Variants in ROBO1 observed in about 807,000 individuals in gnomAD.
ROBO1 encodes the protein roundabout guidance receptor 1.
A neutral mutation model predicts 195.9 loss-of-function variants in ROBO1; 149 were observed. The observed-to-expected ratio is 0.76, with a 90% CI of 0.67 to 0.87. The LOEUF (loss-of-function observed/expected upper bound fraction) is 0.87, where lower values mean the gene tolerates loss of function less well. Ranked by LOEUF, ROBO1 falls within the 40% of genes least tolerant of loss-of-function variation. The pLI, the probability that ROBO1 is intolerant of heterozygous loss-of-function variation, is 0.00. For missense variants in ROBO1, 1,933 were observed against 2,068.3 expected (o/e 0.93, Z 1.27); for synonymous variants, 816 against 733.2 (o/e 1.11, Z -1.82).
In ROBO1 at chr3:78,668,579, C is replaced by T; in HGVS notation, c.1549-14G>A. 2 of 1,610,526 alleles carry T rather than the reference C, an allele frequency of 1.2e-6. No individual in the cohort carries two copies. ...AGTATCACCCAGCTGAGAAGGCAGA[C>T]AAAAAATAAATATTTGGAAAAATCA... is the stretch of plus-strand genomic sequence containing the variant. On this transcript the variant is annotated splice_polypyrimidine_tract_variant and intron_variant, in intron 11 of 30. Coordinates refer to ENST00000464233, the MANE Select transcript of ROBO1 (RefSeq NM_002941.4).
At chr3:78,808,077 T>C (rs2084605799) in intron 4 of ROBO1, among the ~76,000 whole-genome samples, 1 of 152,148 alleles carries the variant, frequency 6.6e-6, no homozygotes, top group Admixed American at 6.5e-5. Context: ...TAAAATACAA[T>C]AAGGAAATTT....
chr3:79,399,267 T>C (rs1472587027), intron 2 of ROBO1, among the ~76,000 whole-genome samples: 1 of 152,084 alleles, frequency 6.6e-6, no homozygotes, highest in Non-Finnish European at 1.5e-5. Flanking sequence ...CTACTCAAAC[T>C]CCTGCAAGTT....
intron 2 of ROBO1, among the ~76,000 whole-genome samples, chr3:79,312,461 G>C (rs548486271): frequency 6.6e-6 from 1 of 152,324 alleles, no homozygotes; most frequent in South Asian, 2.1e-4. Flanking sequence ...AGCAACTACT[G>C]AGAGATAATA....
At chr3:78,922,821 C>T (rs2039016567) in intron 4 of ROBO1, among the ~76,000 whole-genome samples, 1 of 151,734 alleles carries the variant, frequency 6.6e-6, no homozygotes, top group Non-Finnish European at 1.5e-5. Flanking sequence ...TAGTCTCGAA[C>T]TCCTGACCTC....
At chr3:79,723,820 A>G (rs1360657643) in intron 1 of ROBO1, among the ~76,000 whole-genome samples, 1 of 152,180 alleles carries the variant, frequency 6.6e-6, no homozygotes, top group African/African-American at 2.4e-5. Context: ...ATTTATTTTC[A>G]GTAACAAATA....
At chr3:79,153,214 C>G (rs573448484) in intron 2 of ROBO1, among the ~76,000 whole-genome samples, 5 of 151,652 alleles carry the variant, frequency 3.3e-5, no homozygotes, top group Non-Finnish European at 5.9e-5. Flanking sequence ...AAGACTTCCA[C>G]GTAGAAGAAC....
At chr3:78,840,089 A>T (rs764892144) in intron 4 of ROBO1, among the ~76,000 whole-genome samples, 1 of 152,216 alleles carries the variant, frequency 6.6e-6, no homozygotes, top group Non-Finnish European at 1.5e-5. Context: ...AGCATGGCCA[A>T]TGCTTTCATT....
chr3:79,620,421 C>T (rs916865889), intron 1 of ROBO1, among the ~76,000 whole-genome samples: 2 of 152,138 alleles, frequency 1.3e-5, no homozygotes, highest in Admixed American at 1.3e-4. Context: ...ACCTTCTTTT[C>T]AAGGGCCCCT....
chr3:79,289,744 C>T (rs951476137), intron 2 of ROBO1, among the ~76,000 whole-genome samples: 1 of 152,090 alleles, frequency 6.6e-6, no homozygotes, highest in Non-Finnish European at 1.5e-5. Context: ...ATAACATTTC[C>T]AGAACCACAA....
intron 2 of ROBO1, among the ~76,000 whole-genome samples, chr3:79,320,632 T>C (rs1289379720): frequency 2.6e-5 from 4 of 152,122 alleles, no homozygotes; most frequent in Non-Finnish European, 4.4e-5. Context: ...ACATTGTGGG[T>C]TAGGATTTCA....
intron 1 of ROBO1, among the ~76,000 whole-genome samples, chr3:79,703,089 T>C (rs1318926531): frequency 2.0e-5 from 3 of 151,892 alleles, no homozygotes; most frequent in African/African-American, 7.2e-5. Context: ...AATCAAGTCT[T>C]AAAGGTTAAT....
chr3:78,649,343 T>A (rs1196284844), intron 19 of ROBO1, among the ~76,000 whole-genome samples: 1 of 151,982 alleles, frequency 6.6e-6, no homozygotes, highest in African/African-American at 2.4e-5. Context: ...GCACACGAAA[T>A]AACAACTTAA....
chr3:78,938,971 C>T (rs756667362), intron 3 of ROBO1, 44 bp from the exon 4 acceptor site: 8 of 1,482,274 alleles, frequency 5.4e-6, no homozygotes, highest in Non-Finnish European at 6.4e-6. Flanking sequence ...CACTTGAAAA[C>T]AGTTAATCGC....
At chr3:79,021,699 C>T (rs2078106179) in intron 3 of ROBO1, among the ~76,000 whole-genome samples, 3 of 146,304 alleles carry the variant, frequency 2.1e-5, no homozygotes, top group South Asian at 2.2e-4. Context: ...CTGTCTTTGT[C>T]GCCCAGGCTG....
At chr3:79,020,907 C>T (rs1387400996) in intron 3 of ROBO1, among the ~76,000 whole-genome samples, 2 of 152,084 alleles carry the variant, frequency 1.3e-5, no homozygotes, top group East Asian at 3.9e-4. Flanking sequence ...GGAGGATTTG[C>T]TCTTTTCTAC....
In ROBO1 at chr3:78,944,050, C is replaced by G. The variant is rs140457040; in HGVS notation, c.173-5123G>C. ...AAAGGAATAGAAAAGAAAACCACTACTAATTATCCACCATCTTCTGTATTA... is the reference window on the plus strand; with the variant it reads ...AAAGGAATAGAAAAGAAAACCACTAGTAATTATCCACCATCTTCTGTATTA... On this transcript the variant is annotated intron_variant, in intron 3 of 30. Transcript: ENST00000464233. Among the ~76,000 whole-genome samples, 5 of 152,296 alleles carry G rather than the reference C, an allele frequency of 3.3e-5. No homozygotes were observed. In the South Asian group the frequency reaches 1.0e-3, roughly 32 times the overall value.
At chr3:78,639,483 T>G (rs2107555639) in intron 22 of ROBO1, among the ~76,000 whole-genome samples, 1 of 152,276 alleles carries the variant, frequency 6.6e-6, no homozygotes, top group Non-Finnish European at 1.5e-5. Context: ...TCACATGATT[T>G]TATTTTTCCT....
At chr3:79,118,564 C>G (rs1053987234) in intron 3 of ROBO1, among the ~76,000 whole-genome samples, 3 of 151,936 alleles carry the variant, frequency 2.0e-5, no homozygotes, top group Non-Finnish European at 2.9e-5. Context: ...AAATTTGTAG[C>G]TTTTGCTTAT....
chr3:79,547,077 C>G (rs1477862115), intron 2 of ROBO1, among the ~76,000 whole-genome samples: 1 of 142,986 alleles, frequency 7.0e-6, no homozygotes, highest in African/African-American at 2.6e-5. Flanking sequence ...CCCAGCTACT[C>G]GGGAGGCTGA....
Sources: gnomAD v4.1 joint callset for allele counts (sites outside exome capture counted in the v4.1 genomes callset) on GRCh38, gnomAD v4.1.1 for gene constraint, MANE v1.5 for transcripts, NCBI Gene and HGNC (gene_info 2026-07-23, HGNC 2026-07-21) for gene names.